Variants in ICA1L observed in about 807,000 individuals in gnomAD.
ICA1L encodes the protein islet cell autoantigen 1 like, also known as islet cell autoantigen 1-like protein.
A neutral mutation model predicts 61.3 loss-of-function variants in ICA1L; 50 were observed. That is an observed-to-expected ratio of 0.82 (90% CI 0.65 to 1.03). The LOEUF is 1.03. Among genes scored for constraint, ICA1L ranks in the 50% least tolerant of loss-of-function variants. The pLI, the probability that ICA1L is intolerant of heterozygous loss-of-function variation, is 0.00. For synonymous variants in ICA1L, 161 were observed against 191.3 expected (o/e 0.84, Z 1.31); for missense variants, 508 against 556.7 (o/e 0.91, Z 0.88).
chr2:202,836,851 A>G (rs1350859591), intron 1 of ICA1L, among the ~76,000 whole-genome samples: 1 of 150,978 alleles, frequency 6.6e-6, no homozygotes, highest in Non-Finnish European at 1.5e-5. Flanking sequence ...ATAGATATAG[A>G]TATTTTTTTA....
intron 7 of ICA1L, among the ~76,000 whole-genome samples, chr2:202,815,621 T>C (rs563718776): frequency 6.6e-6 from 1 of 151,886 alleles, no homozygotes; most frequent in Non-Finnish European, 1.5e-5. Context: ...AAATTAAATT[T>C]AATTTTTTTT....
intron 1 of ICA1L, among the ~76,000 whole-genome samples, chr2:202,845,349 C>T (rs1158327475): frequency 2.0e-5 from 3 of 152,086 alleles, no homozygotes; most frequent in Admixed American, 6.6e-5. Context: ...ACTTGAGGCC[C>T]GGCATGGTGG....
At chr2:202,779,742 G>T in intron 12 of ICA1L, 94 bp from the exon 13 acceptor site, 1 of 655,692 alleles carries the variant, frequency 1.5e-6, no homozygotes, top group South Asian at 2.1e-5. Flanking sequence ...TGCTTCTTTT[G>T]GATTAAGAAA....
chr2:202,780,371 G>T (rs1353358692), intron 12 of ICA1L, among the ~76,000 whole-genome samples: 1 of 152,178 alleles, frequency 6.6e-6, no homozygotes, highest in Non-Finnish European at 1.5e-5. Context: ...ACAACTTCTT[G>T]TTCATCAGAT....
chr2:202,828,263 CAAAAAA>C (rs56039507), intron 2 of ICA1L, among the ~76,000 whole-genome samples: 1 of 136,452 alleles, frequency 7.3e-6, no homozygotes, highest in Non-Finnish European at 1.6e-5. Context: ...AACCTCCATC[CAAAAAA>C]AAAAAAAAAA....
intron 1 of ICA1L, among the ~76,000 whole-genome samples, chr2:202,857,562 T>A (rs900291548): frequency 6.6e-6 from 1 of 152,154 alleles, no homozygotes; most frequent in African/African-American, 2.4e-5. Context: ...GACATAGGAA[T>A]GAGCAAAGAC....
intron 1 of ICA1L, chr2:202,840,269 C>T: frequency 2.3e-6 from 1 of 443,962 alleles, no homozygotes; most frequent in East Asian, 6.4e-5. Flanking sequence ...GCACAGCGGC[C>T]TCCCTCCCAA....
chr2:202,798,139 T>G (rs1310450281), intron 9 of ICA1L, among the ~76,000 whole-genome samples: 1 of 152,240 alleles, frequency 6.6e-6, no homozygotes, highest in Non-Finnish European at 1.5e-5. Context: ...AGTATTCCAT[T>G]GTGTACACAT....
chr2:202,845,552 G>A lies in ICA1L; in HGVS notation c.-7-16536C>T, dbSNP rs1314286660. 2.0e-4 allele frequency among the ~76,000 whole-genome samples: 30 copies of A among 151,786 alleles called. 1 individual carries two copies. In the East Asian group the frequency reaches 4.8e-3, roughly 25 times the overall value. ...TGAGGCAGAAGAATCACTTGAACCC[G>A]GGAAGCGGAGGCTGAAGTAAGCCAA... is the stretch of plus-strand genomic sequence containing the variant. On this transcript the variant is annotated intron_variant, in intron 1 of 12. Transcript: ENST00000358299.
At chr2:202,796,325 A>T (rs72932741) in intron 10 of ICA1L, among the ~76,000 whole-genome samples, 13,948 of 152,252 alleles carry the variant, frequency 0.092, 753 homozygotes, top group Non-Finnish European at 0.13. Flanking sequence ...AACTTAAAGA[A>T]ATTTAAAGAA....
chr2:202,853,084 C>T (rs960434452), intron 1 of ICA1L, among the ~76,000 whole-genome samples: 3 of 151,876 alleles, frequency 2.0e-5, no homozygotes, highest in Admixed American at 6.6e-5. Context: ...TGTGGCTGGG[C>T]GCGGTGGCTC....
intron 1 of ICA1L, among the ~76,000 whole-genome samples, chr2:202,840,073 AT>A (rs532184078): frequency 2.5e-3 from 236 of 95,158 alleles, no homozygotes; most frequent in African/African-American, 4.9e-3. Flanking sequence ...TTAATTTTTA[AT>A]TTTTTTTTTT....
chr2:202,810,872 C>T (rs905079297), intron 9 of ICA1L, among the ~76,000 whole-genome samples: 8 of 152,082 alleles, frequency 5.3e-5, no homozygotes, highest in African/African-American at 1.4e-4. Context: ...TCTCCTGTAG[C>T]GCTCCCAGGC....
At chr2:202,825,534 G>A in intron 3 of ICA1L, 161 bp downstream of exon 3, 1 of 1,349,336 alleles carries the variant, frequency 7.4e-7, no homozygotes, top group Non-Finnish European at 9.5e-7. Flanking sequence ...GAGGAAAGAA[G>A]AGAGAATACT....
At chr2:202,823,569 T>C (rs143768293) in intron 3 of ICA1L, among the ~76,000 whole-genome samples, 23 of 152,206 alleles carry the variant, frequency 1.5e-4, no homozygotes, top group African/African-American at 5.3e-4. Flanking sequence ...GTTAGTAATC[T>C]GACCCCAAAT....
chr2:202,838,965 A>C (rs1694233903), intron 1 of ICA1L, among the ~76,000 whole-genome samples: 2 of 152,090 alleles, frequency 1.3e-5, no homozygotes, highest in African/African-American at 4.8e-5. Flanking sequence ...CTCACTTATC[A>C]CCATGGGGAC....
chr2:202,831,402 T>G (rs995307411), intron 1 of ICA1L, among the ~76,000 whole-genome samples: 1 of 152,164 alleles, frequency 6.6e-6, no homozygotes, highest in African/African-American at 2.4e-5. Context: ...TTGGTTGCTC[T>G]CAACTGCTTT....
chr2:202,825,596 C>T, intron 3 of ICA1L, 99 bp downstream of exon 3: 1 of 1,293,846 alleles, frequency 7.7e-7, no homozygotes. Flanking sequence ...CCATAAGAAG[C>T]TATTCACAAA....
chr2:202,810,061 A>T lies in ICA1L; in HGVS notation c.910+1685T>A, dbSNP rs1693331238. Among the ~76,000 whole-genome samples, 3 of 152,234 alleles carry T rather than the reference A, an allele frequency of 2.0e-5. No individual in the cohort carries two copies. In the South Asian group the frequency reaches 6.2e-4, roughly 31 times the overall value. ...AGGCATTTAGTAATCAAACTCCCAA[A>T]GGTCAACGATAAAGAAAAGATCCTA... is the stretch of plus-strand genomic sequence containing the variant. On this transcript the variant is annotated intron_variant, in intron 9 of 12. Coordinates refer to ENST00000358299, the MANE Select transcript of ICA1L (RefSeq NM_001288622.3).
Sources: gnomAD v4.1 joint callset for allele counts (sites outside exome capture counted in the v4.1 genomes callset) on GRCh38, gnomAD v4.1.1 for gene constraint, MANE v1.5 for transcripts, NCBI Gene and HGNC (gene_info 2026-07-23, HGNC 2026-07-21) for gene names.